The following RAP1B variants were observed in gnomAD, a reference collection of about 807,000 sequenced individuals.
RAP1B encodes the protein RAP1B, member of RAS oncogene family.
A neutral mutation model predicts 27.5 loss-of-function variants in RAP1B; 1 was observed. The ratio of observed to expected loss-of-function variants is 0.04; its 90% CI spans 0.01 to 0.17. RAP1B has a LOEUF of 0.17. Among genes scored for constraint, RAP1B ranks in the 10% least tolerant of loss-of-function variants. The pLI, the probability that RAP1B is intolerant of heterozygous loss-of-function variation, is 1.00. For missense variants in RAP1B, 84 were observed against 214.8 expected, an observed-to-expected ratio of 0.39 and a Z score of 3.81; for synonymous variants, 75 against 73.1, an observed-to-expected ratio of 1.03 and a Z score of -0.13.
At chr12:68,650,285 G>GTTTT in intron 2 of RAP1B, 115 bp from the exon 3 acceptor site, 1 of 907,132 alleles carries the variant, frequency 1.1e-6, no homozygotes, top group Non-Finnish European at 1.5e-6. Flanking sequence ...ATTGGCTGTG[G>GTTTT]TTTTTTTTTT....
At chr12:68,634,618 C>T (rs1872505156) in intron 1 of RAP1B, among the ~76,000 whole-genome samples, 1 of 151,070 alleles carries the variant, frequency 6.6e-6, no homozygotes, top group Admixed American at 6.6e-5. Flanking sequence ...AATTGTTGGT[C>T]TCTCCTTTTT....
chr12:68,628,427 C>T (rs1241287785), intron 1 of RAP1B, among the ~76,000 whole-genome samples: 1 of 152,170 alleles, frequency 6.6e-6, no homozygotes, highest in Non-Finnish European at 1.5e-5. Flanking sequence ...TAGTTTTCCA[C>T]AGTAATTTTG....
chr12:68,622,486 C>G (rs757708967), intron 1 of RAP1B, among the ~76,000 whole-genome samples: 2 of 152,212 alleles, frequency 1.3e-5, no homozygotes, highest in Non-Finnish European at 2.9e-5. Flanking sequence ...TCACTAAGCT[C>G]TAGCCAGCTG....
chr12:68,642,470 A>C, intron 1 of RAP1B: 1 of 836,082 alleles, frequency 1.2e-6, no homozygotes, highest in South Asian at 1.5e-5. Flanking sequence ...TTTAATGTCC[A>C]GAATGTGTAA....
chr12:68,625,602 T>C (rs1299245157), intron 1 of RAP1B, among the ~76,000 whole-genome samples: 1 of 152,138 alleles, frequency 6.6e-6, no homozygotes, highest in Non-Finnish European at 1.5e-5. Context: ...GAACCCACAA[T>C]CTAAAATCAA....
chr12:68,657,049 G>T (rs1454494690), intron 6 of RAP1B, 52 bp from the exon 7 acceptor site: 1 of 1,387,242 alleles, frequency 7.2e-7, no homozygotes, highest in Non-Finnish European at 1.0e-6. Flanking sequence ...TTTTTTCATT[G>T]GGGGGGATAG....
chr12:68,659,691 C>A lies in RAP1B; in HGVS notation c.*442C>A, dbSNP rs1322372026. ...ATATAGACTACTCCAGATAACTTCGCTTCTTTGATACTTGTAGCTTATTGT... is the reference window on the plus strand; with the variant it reads ...ATATAGACTACTCCAGATAACTTCGATTCTTTGATACTTGTAGCTTATTGT... On this transcript the variant is annotated 3_prime_UTR_variant, in exon 8 of 8. Coordinates refer to ENST00000250559, the MANE Select transcript of RAP1B (RefSeq NM_001010942.3). 1 of 152,318 alleles carries A rather than the reference C, an allele frequency of 6.6e-6. No homozygotes were observed. The highest frequency in any genetic ancestry group is 2.4e-5 in the African/African-American group (1 of 41,280). 9.4% of individuals were successfully genotyped at this position (152,318 alleles called of 1,614,324 possible). A position where few individuals can be genotyped will look rare whatever the true frequency, so the allele number is the denominator to read the frequency against.
intron 1 of RAP1B, among the ~76,000 whole-genome samples, chr12:68,644,021 A>G (rs1461287273): frequency 6.6e-6 from 1 of 152,106 alleles, no homozygotes; most frequent in Non-Finnish European, 1.5e-5. Flanking sequence ...TAATAATGAG[A>G]TTCCTCCTAG....
chr12:68,632,799 GA>G (rs922261616), intron 1 of RAP1B, among the ~76,000 whole-genome samples: 1 of 152,128 alleles, frequency 6.6e-6, no homozygotes, highest in Admixed American at 6.5e-5. Context: ...AGATAAAGAG[GA>G]AATGGGAGCA....
intron 7 of RAP1B, chr12:68,657,788 G>C (rs368363884): frequency 1.1e-4 from 17 of 154,374 alleles, no homozygotes; most frequent in Non-Finnish European, 1.6e-4. Flanking sequence ...GCGCGTGCGC[G>C]TGAGCCACCG....
At chr12:68,638,765 A>G (rs1056450285) in intron 1 of RAP1B, among the ~76,000 whole-genome samples, 1 of 151,934 alleles carries the variant, frequency 6.6e-6, no homozygotes, top group African/African-American at 2.4e-5. Flanking sequence ...GGTTCAAATG[A>G]TTCTCCTGCC....
At position 68,642,032 on chromosome 12, in the gene RAP1B, G is replaced by A. The variant is rs148446168; in HGVS notation, c.-26-6667G>A. Among the ~76,000 whole-genome samples, 406 of 152,146 alleles carry A rather than the reference G, an allele frequency of 2.7e-3. 4 individuals are homozygous for A. The highest frequency in any genetic ancestry group is 3.7e-3 in the Non-Finnish European group (249 of 67,976). ...CTGTTGATAACATTAAGTTCATTTCGCATATATGCTACAGTCTTTTCTGTT... is the reference window on the plus strand; with the variant it reads ...CTGTTGATAACATTAAGTTCATTTCACATATATGCTACAGTCTTTTCTGTT... On this transcript the variant is annotated intron_variant, in intron 1 of 7. Transcript: ENST00000250559.
chr12:68,656,759 G>T, intron 6 of RAP1B: 1 of 523,582 alleles, frequency 1.9e-6, no homozygotes, highest in Non-Finnish European at 3.3e-6. Flanking sequence ...GTAAAATTCC[G>T]AAAAGTATGC....
At chr12:68,628,552 C>T (rs1871992534) in intron 1 of RAP1B, among the ~76,000 whole-genome samples, 1 of 152,108 alleles carries the variant, frequency 6.6e-6, no homozygotes, top group Non-Finnish European at 1.5e-5. Context: ...AAAAACTTTT[C>T]AAAGGGATAT....
At chr12:68,647,377 T>TCCCCCCCCC (rs1873489897) in intron 1 of RAP1B, among the ~76,000 whole-genome samples, 8 of 3,242 alleles carry the variant, frequency 2.5e-3, no homozygotes, top group Non-Finnish European at 2.7e-3. Flanking sequence ...TGCCCCCCAC[T>TCCCCCCCCC]CCACTCCCCG....
chr12:68,671,723 A>G lies in RAP1B; in HGVS notation c.*12474A>G, dbSNP rs560093820. 1 of 152,294 alleles carries G rather than the reference A, an allele frequency of 6.6e-6. No homozygotes were observed. The highest frequency in any genetic ancestry group is 1.9e-4 in the East Asian group (1 of 5,190). 9.4% of individuals were successfully genotyped at this position (152,294 alleles called of 1,614,324 possible). On this transcript the variant is annotated 3_prime_UTR_variant, in exon 8 of 8. Transcript: ENST00000250559. ...GGAAAAAGAAAAGCAAAAGTACAACAGCGGGAGAAAAAACAGGATGACTCG... is the reference window on the plus strand; with the variant it reads ...GGAAAAAGAAAAGCAAAAGTACAACGGCGGGAGAAAAAACAGGATGACTCG...
rs1874909979 is a variant in RAP1B, at chr12:68,667,621, A to C, written c.*8372A>C. On this transcript the variant is annotated 3_prime_UTR_variant, in exon 8 of 8. Coordinates refer to ENST00000250559, the MANE Select transcript of RAP1B (RefSeq NM_001010942.3). ...TTATTTCAAGTAATGGTATAAGGAA[A>C]TTGTAACCATTTGTGTGCTTTACAT... is the stretch of plus-strand genomic sequence containing the variant. The C allele has an allele frequency of 6.6e-6, 1 of 152,330 alleles. No individual in the cohort carries two copies. Among genetic ancestry groups the C allele is most frequent in the South Asian group, 2.1e-4 (1 of 4,828 alleles). The allele number at this position is 152,330 out of a possible 1,614,324, so 9.4% of individuals were successfully genotyped here. A position where few individuals can be genotyped will look rare whatever the true frequency, so the allele number is the denominator to read the frequency against.
intron 1 of RAP1B, among the ~76,000 whole-genome samples, chr12:68,641,598 GT>G (rs1277397681): frequency 6.6e-6 from 1 of 152,136 alleles, no homozygotes; most frequent in Non-Finnish European, 1.5e-5. Flanking sequence ...AAAGCTGTCA[GT>G]TACTTTCATC....
intron 1 of RAP1B, among the ~76,000 whole-genome samples, chr12:68,629,682 C>T (rs58435543): frequency 2.2e-3 from 334 of 152,196 alleles, no homozygotes; most frequent in African/African-American, 7.7e-3. Context: ...TTTTATCATC[C>T]TCATGAATGA....
Sources: gnomAD v4.1 joint callset for allele counts (sites outside exome capture counted in the v4.1 genomes callset) on GRCh38, gnomAD v4.1.1 for gene constraint, MANE v1.5 for transcripts, NCBI Gene and HGNC (gene_info 2026-07-23, HGNC 2026-07-21) for gene names.